The following LRRTM4 variants were observed in gnomAD, a reference collection of about 807,000 sequenced individuals.
LRRTM4 encodes the protein leucine-rich repeat transmembrane neuronal protein 4.
In LRRTM4, 25 loss-of-function variants were observed where a neutral mutation model predicts 47.6. That is an observed-to-expected ratio of 0.53 (90% CI 0.38 to 0.73). The LOEUF (loss-of-function observed/expected upper bound fraction) is 0.73. Ranked by LOEUF, LRRTM4 falls within the 30% of genes least tolerant of loss-of-function variation. The pLI, the probability that LRRTM4 is intolerant of heterozygous loss-of-function variation, is 0.00. For synonymous variants in LRRTM4, 311 were observed against 269.5 expected (o/e 1.15, Z -1.51); for missense variants, 638 against 713.4 (o/e 0.89, Z 1.20).
At chr2:77,451,665 T>C (rs1203734483) in intron 3 of LRRTM4, among the ~76,000 whole-genome samples, 1 of 152,208 alleles carries the variant, frequency 6.6e-6, no homozygotes, top group East Asian at 1.9e-4. Context: ...ACTCTTCTCC[T>C]AGATCTTGCT....
At chr2:77,139,782 G>C (rs893066944) in intron 3 of LRRTM4, among the ~76,000 whole-genome samples, 2 of 152,048 alleles carry the variant, frequency 1.3e-5, no homozygotes, top group African/African-American at 4.8e-5. Flanking sequence ...AAAGTCTCAG[G>C]ATACAAAATC....
chr2:76,781,954 AT>A (rs1455651347), intron 3 of LRRTM4, among the ~76,000 whole-genome samples: 1 of 152,058 alleles, frequency 6.6e-6, no homozygotes, highest in Non-Finnish European at 1.5e-5. Context: ...TTATCTTGAC[AT>A]TTTTTTAAAG....
intron 3 of LRRTM4, among the ~76,000 whole-genome samples, chr2:76,918,205 GCTTT>G (rs1329206503): frequency 6.6e-6 from 1 of 152,142 alleles, no homozygotes; most frequent in African/African-American, 2.4e-5. Context: ...AAAAATGTCT[GCTTT>G]CTTAATCCAT....
intron 3 of LRRTM4, among the ~76,000 whole-genome samples, chr2:76,990,539 A>G (rs2103990872): frequency 6.6e-6 from 1 of 151,900 alleles, no homozygotes; most frequent in Non-Finnish European, 1.5e-5. Flanking sequence ...AACAATAGTA[A>G]AAAAGGAAAA....
intron 3 of LRRTM4, among the ~76,000 whole-genome samples, chr2:77,075,345 G>C (rs143393528): frequency 0.013 from 2,050 of 152,190 alleles, 32 homozygotes; most frequent in Non-Finnish European, 0.021. Flanking sequence ...CTGTTTATTT[G>C]TCTCGATAAG....
At chr2:77,020,865 G>C (rs1238600846) in intron 3 of LRRTM4, among the ~76,000 whole-genome samples, 1 of 152,152 alleles carries the variant, frequency 6.6e-6, no homozygotes, top group Non-Finnish European at 1.5e-5. Flanking sequence ...TTCTGTCCAT[G>C]GATTGGGGAG....
chr2:77,513,569 T>C (rs1679098926), intron 3 of LRRTM4, among the ~76,000 whole-genome samples: 1 of 136,830 alleles, frequency 7.3e-6, no homozygotes, highest in East Asian at 2.0e-4. Flanking sequence ...TTATAATTTA[T>C]ATTTTATTTG....
At chr2:76,827,059 T>A (rs1021379551) in intron 3 of LRRTM4, among the ~76,000 whole-genome samples, 2 of 151,862 alleles carry the variant, frequency 1.3e-5, no homozygotes, top group African/African-American at 4.8e-5. Context: ...TATTTCTCTC[T>A]CCTGAGACCG....
intron 3 of LRRTM4, among the ~76,000 whole-genome samples, chr2:77,453,072 A>G (rs1214852316): frequency 6.6e-6 from 1 of 151,728 alleles, no homozygotes; most frequent in Non-Finnish European, 1.5e-5. Context: ...TACTGATATT[A>G]TTTAAATTCT....
chr2:77,298,021 T>C (rs1022685368), intron 3 of LRRTM4, among the ~76,000 whole-genome samples: 1 of 152,174 alleles, frequency 6.6e-6, no homozygotes, highest in African/African-American at 2.4e-5. Context: ...TGGATGAGCA[T>C]GTGATGTGTA....
chr2:77,325,799 T>C (rs556103346), intron 3 of LRRTM4, among the ~76,000 whole-genome samples: 1 of 152,300 alleles, frequency 6.6e-6, no homozygotes, highest in African/African-American at 2.4e-5. Flanking sequence ...GCTTTATCTA[T>C]GGTTGACTCT....
At chr2:76,890,177 G>A (rs546742382) in intron 3 of LRRTM4, among the ~76,000 whole-genome samples, 1 of 152,050 alleles carries the variant, frequency 6.6e-6, no homozygotes, top group Non-Finnish European at 1.5e-5. Flanking sequence ...ATTTTATGCT[G>A]AGAATGCAAA....
At chr2:77,396,829 T>C (rs1673723599) in intron 3 of LRRTM4, among the ~76,000 whole-genome samples, 1 of 151,898 alleles carries the variant, frequency 6.6e-6, no homozygotes, top group South Asian at 2.1e-4. Context: ...ACAAGTTCAA[T>C]TGAGATCAAT....
chr2:77,027,783 T>C (rs906863920), intron 3 of LRRTM4, among the ~76,000 whole-genome samples: 4 of 152,138 alleles, frequency 2.6e-5, no homozygotes, highest in African/African-American at 9.7e-5. Context: ...ACAATGAGCA[T>C]TACATTAATT....
intron 3 of LRRTM4, among the ~76,000 whole-genome samples, chr2:77,411,952 T>C (rs1014710844): frequency 1.3e-5 from 2 of 152,180 alleles, no homozygotes; most frequent in African/African-American, 4.8e-5. Context: ...TCTGAGGTCA[T>C]GCTTTCCTCT....
At chr2:77,472,572 G>T (rs1677231988) in intron 3 of LRRTM4, among the ~76,000 whole-genome samples, 1 of 151,850 alleles carries the variant, frequency 6.6e-6, no homozygotes, top group Non-Finnish European at 1.5e-5. Flanking sequence ...TTCTGTAAGA[G>T]CAGGGCTTTG....
chr2:77,167,956 T>C (rs1235427480), intron 3 of LRRTM4, among the ~76,000 whole-genome samples: 1 of 151,874 alleles, frequency 6.6e-6, no homozygotes, highest in Admixed American at 6.6e-5. Context: ...ATAATGATAA[T>C]AAAGAAAAAA....
chr2:77,318,271 G>GT (rs776842600), intron 3 of LRRTM4, among the ~76,000 whole-genome samples: 29 of 152,188 alleles, frequency 1.9e-4, no homozygotes, highest in Non-Finnish European at 3.8e-4. Flanking sequence ...CTCCCAAAGT[G>GT]TTGGGATTAC....
At chr2:76,949,218 A>G (rs1330124017) in intron 3 of LRRTM4, among the ~76,000 whole-genome samples, 1 of 151,912 alleles carries the variant, frequency 6.6e-6, no homozygotes, top group Non-Finnish European at 1.5e-5. Flanking sequence ...GAAATCCTCA[A>G]CACTGAACCT....
Sources: allele counts gnomAD v4.1 joint callset (sites outside exome capture counted in the v4.1 genomes callset), GRCh38; gene constraint gnomAD v4.1.1; transcripts MANE v1.5; gene names NCBI Gene and HGNC (gene_info 2026-07-23, HGNC 2026-07-21).